FRAS1: variants seen among roughly 807,000 people sequenced by gnomAD.
FRAS1 encodes the protein extracellular matrix organizing protein FRAS1.
Under a neutral mutation model 435.2 loss-of-function variants are expected in FRAS1, and 290 were observed. The observed-to-expected ratio is 0.67, with a 90% CI of 0.61 to 0.73. The LOEUF (loss-of-function observed/expected upper bound fraction) is 0.73, where lower values mean the gene tolerates loss of function less well. Ranked by LOEUF, FRAS1 falls within the 30% of genes least tolerant of loss-of-function variation. FRAS1 has a pLI of 0.00. For synonymous variants in FRAS1, 1,800 were observed against 1,851.0 expected, an observed-to-expected ratio of 0.97 and a Z score of 0.71; for missense variants, 4,860 against 5,001.5, an observed-to-expected ratio of 0.97 and a Z score of 0.85.
chr4:78,244,494 C>T (rs1725145214), intron 3 of FRAS1, among the ~76,000 whole-genome samples: 1 of 152,126 alleles, frequency 6.6e-6, no homozygotes, highest in African/African-American at 2.4e-5. Context: ...GCCTCAAAGA[C>T]AAGCTAATGC....
chr4:78,245,553 T>A (rs1031170017), intron 4 of FRAS1, among the ~76,000 whole-genome samples: 1 of 152,218 alleles, frequency 6.6e-6, no homozygotes, highest in Admixed American at 6.5e-5. Flanking sequence ...AGAATGTTGA[T>A]GTTGAAGAAG....
intron 2 of FRAS1, among the ~76,000 whole-genome samples, chr4:78,098,159 T>A (rs1347360865): frequency 6.6e-6 from 1 of 152,062 alleles, no homozygotes; most frequent in Non-Finnish European, 1.5e-5. Flanking sequence ...ATAGGAGAAG[T>A]TTGTCTTGGG....
At chr4:78,443,748 G>T (rs1422846153) in intron 41 of FRAS1, among the ~76,000 whole-genome samples, 6 of 152,266 alleles carry the variant, frequency 3.9e-5, no homozygotes, top group African/African-American at 1.4e-4. Flanking sequence ...GGAGCTTAAA[G>T]CTTCAGTGAC....
intron 2 of FRAS1, among the ~76,000 whole-genome samples, chr4:78,232,813 C>T (rs1724574507): frequency 6.6e-6 from 1 of 152,050 alleles, no homozygotes; most frequent in African/African-American, 2.4e-5. Context: ...TTAATTAATT[C>T]AGTCAACATA....
At position 78,265,028 on chromosome 4, in the gene FRAS1, G is replaced by C; in HGVS notation, c.607G>C (p.Glu203Gln). The C allele has an allele frequency of 6.3e-7, 1 of 1,599,704 alleles. No homozygotes were observed. The highest frequency in any genetic ancestry group is 8.6e-7 in the Non-Finnish European group (1 of 1,167,244). Residue 203 changes from glutamate (E) to glutamine (Q), a missense_variant, in exon 7 of 74, where the codon GAG becomes CAG. Physicochemically the swap from Glu to Gln is conservative, Grantham distance 29. Coordinates refer to ENST00000512123, the MANE Select transcript of FRAS1 (RefSeq NM_025074.7). The part of the protein sequence containing the change: ...QCQPLFCNQD[E>Q]TVVRVPGKCC... ...TGTTCCTGTTCTGCGTGTTAAGGATGAGACTGTAGTCCGAGTCCCTGGAAA... is the reference window on the plus strand; with the variant it reads ...TGTTCCTGTTCTGCGTGTTAAGGATCAGACTGTAGTCCGAGTCCCTGGAAA...
chr4:78,286,383 C>T, intron 13 of FRAS1, 22 bp from the exon 14 acceptor site: 1 of 1,612,746 alleles, frequency 6.2e-7, no homozygotes, highest in East Asian at 2.2e-5. Flanking sequence ...CTTTCTCTTT[C>T]TTCAACATTA....
At chr4:78,306,252 C>T (rs907487486) in intron 14 of FRAS1, among the ~76,000 whole-genome samples, 9 of 151,546 alleles carry the variant, frequency 5.9e-5, no homozygotes, top group Admixed American at 3.3e-4. Context: ...TGATGGGCTT[C>T]CCTTTGAGGG....
chr4:78,182,651 G>A (rs1484365154), intron 2 of FRAS1, among the ~76,000 whole-genome samples: 1 of 152,132 alleles, frequency 6.6e-6, no homozygotes, highest in African/African-American at 2.4e-5. Context: ...GCCGAGGCAG[G>A]CGGATCATTT....
intron 71 of FRAS1, among the ~76,000 whole-genome samples, chr4:78,536,740 T>C (rs1173372171): frequency 1.3e-5 from 2 of 152,146 alleles, no homozygotes; most frequent in Admixed American, 6.5e-5. Flanking sequence ...TTCCCTTAAA[T>C]GCTTAATTAA....
At chr4:78,149,143 G>A (rs1720541953) in intron 2 of FRAS1, among the ~76,000 whole-genome samples, 1 of 152,048 alleles carries the variant, frequency 6.6e-6, no homozygotes, top group Non-Finnish European at 1.5e-5. Context: ...GTAATAGCAT[G>A]ATCCTGGAAA....
At chr4:78,507,701 AC>A in intron 62 of FRAS1, 93 bp downstream of exon 62, 1 of 1,257,036 alleles carries the variant, frequency 8.0e-7, no homozygotes, top group Non-Finnish European at 1.1e-6. Flanking sequence ...TATTCTTCTA[AC>A]CCAGTGGTTC....
chr4:78,099,754 G>C (rs1175366260), intron 2 of FRAS1, among the ~76,000 whole-genome samples: 1 of 152,142 alleles, frequency 6.6e-6, no homozygotes, highest in African/African-American at 2.4e-5. Context: ...TTTGGGAGAG[G>C]TATGTTGGAT....
intron 14 of FRAS1, among the ~76,000 whole-genome samples, chr4:78,302,998 G>A (rs947134555): frequency 4.6e-5 from 7 of 152,034 alleles, no homozygotes; most frequent in Non-Finnish European, 7.4e-5. Flanking sequence ...TAGGACTAAC[G>A]TTTAAGTCTT....
Position 78,477,764 on chromosome 4 carries a change from G to A in FRAS1, c.7852-51G>A, listed in dbSNP as rs938717693. The A allele has an allele frequency of 1.9e-6, 3 of 1,577,068 alleles. No individual in the cohort carries two copies. In the African/African-American group the frequency reaches 4.0e-5, roughly 21 times the overall value. Reference sequence around the variant, plus strand: ...TCCTATGATGCCCTGGGGAAGCAGAGCAGGGGAAGCTGAGGCACAGCTTAA... The same window carrying A: ...TCCTATGATGCCCTGGGGAAGCAGAACAGGGGAAGCTGAGGCACAGCTTAA... On this transcript the variant is annotated intron_variant, in intron 54 of 73. Transcript: ENST00000512123.
intron 2 of FRAS1, among the ~76,000 whole-genome samples, chr4:78,146,572 C>T (rs1208168494): frequency 6.6e-6 from 1 of 152,130 alleles, no homozygotes; most frequent in Non-Finnish European, 1.5e-5. Context: ...TCTCTAGCTT[C>T]AACAATGATT....
At chr4:78,208,300 T>C (rs1723349051) in intron 2 of FRAS1, among the ~76,000 whole-genome samples, 1 of 152,166 alleles carries the variant, frequency 6.6e-6, no homozygotes. Flanking sequence ...AACTGCAGCC[T>C]TGAGCTCTAG....
At chr4:78,318,107 TAGAAC>T (rs1729350756) in intron 17 of FRAS1, among the ~76,000 whole-genome samples, 1 of 152,208 alleles carries the variant, frequency 6.6e-6, no homozygotes, top group African/African-American at 2.4e-5. Context: ...TCAGGCACCT[TAGAAC>T]AGAGTTTGAG....
rs1722127265 is a variant in FRAS1 at position 78,543,757 on chromosome 4, A to G, written c.*2633A>G. Reference sequence around the variant, plus strand: ...ATTATAGGAATCAAGTAATTTGATGACTAATGTGGATTATATTTCAGTCAA... The same window carrying G: ...ATTATAGGAATCAAGTAATTTGATGGCTAATGTGGATTATATTTCAGTCAA... On this transcript the variant is annotated 3_prime_UTR_variant, in exon 74 of 74. Transcript: ENST00000512123. 6.6e-6 allele frequency: 1 copy of G among 152,208 alleles called. No homozygotes were observed. The highest frequency in any genetic ancestry group is 6.5e-5 in the Admixed American group (1 of 15,280). The allele number at this position is 152,208 out of a possible 1,614,324, so 9.4% of individuals were successfully genotyped here.
At chr4:78,537,380 TAAC>T (rs1051225463) in intron 72 of FRAS1, among the ~76,000 whole-genome samples, 180 bp downstream of exon 72, 6 of 152,204 alleles carry the variant, frequency 3.9e-5, no homozygotes, top group African/African-American at 1.4e-4. Context: ...TTACGATGAG[TAAC>T]AAGACAAACT....
Sources: allele counts gnomAD v4.1 joint callset (sites outside exome capture counted in the v4.1 genomes callset), GRCh38; gene constraint gnomAD v4.1.1; transcripts MANE v1.5; gene names NCBI Gene and HGNC (gene_info 2026-07-23, HGNC 2026-07-21).